Variants in UBOX5 observed in about 807,000 individuals in gnomAD.
The protein encoded by UBOX5 is RING finger protein 37.
A neutral mutation model predicts 39.0 loss-of-function variants in UBOX5; 28 were observed. The observed-to-expected ratio is 0.72, with a 90% confidence interval of 0.53 to 0.98. The LOEUF is 0.98. UBOX5 is among the 50% of genes least tolerant of loss of function. The pLI is 0.00. For missense variants in UBOX5, 585 were observed against 674.4 expected (o/e 0.87, Z 1.47); for synonymous variants, 283 against 275.5 (o/e 1.03, Z -0.27).
At chr20:3,146,082 C>T (rs73608129) in intron 1 of UBOX5, among the ~76,000 whole-genome samples, 4 of 151,586 alleles carry the variant, frequency 2.6e-5, no homozygotes, top group Non-Finnish European at 5.9e-5. Context: ...TGGCTCACAC[C>T]TGTAATCCCA....
At position 3,149,375 on chromosome 20, in the gene UBOX5, C is replaced by A; in HGVS notation, c.-42+10391G>T. ...GCTGTCTACTCAAATAAGTTCAATG[C>A]TAGTAAATGCCCAAACCACATGACA... On this transcript the variant is annotated intron_variant, in intron 1 of 4. Transcript: ENST00000217173. This position sits in a 1 kb window ranked among gnomAD's most constrained non-coding sequence, Gnocchi z 4.1. The A allele has an allele frequency of 2.9e-6, 1 of 345,758 alleles. No individual in the cohort carries two copies. The highest frequency in any genetic ancestry group is 5.4e-5 in the East Asian group (1 of 18,476). 21.4% of individuals were successfully genotyped at this position (345,758 alleles called of 1,614,324 possible).
chr20:3,114,298 T>C (rs1308560060), intron 4 of UBOX5, among the ~76,000 whole-genome samples: 1 of 151,648 alleles, frequency 6.6e-6, no homozygotes. Flanking sequence ...CCAGAGCTGG[T>C]AGAGAAGGCA....
chr20:3,148,898 T>A, intron 1 of UBOX5: 1 of 1,614,152 alleles, frequency 6.2e-7, no homozygotes, highest in Non-Finnish European at 8.5e-7. Context: ...GCTACATATG[T>A]TCTTAACTTT....
At chr20:3,113,708 G>T (rs1032883216) in intron 4 of UBOX5, among the ~76,000 whole-genome samples, 2 of 152,182 alleles carry the variant, frequency 1.3e-5, no homozygotes, top group South Asian at 4.1e-4. Context: ...ACTCGAGAAT[G>T]ACTTCTGTGT....
chr20:3,152,968 C>T (rs1265931233), intron 1 of UBOX5, among the ~76,000 whole-genome samples: 1 of 151,432 alleles, frequency 6.6e-6, no homozygotes, highest in Non-Finnish European at 1.5e-5. Context: ...AATAAAATAG[C>T]TGTGCCATAG....
chr20:3,148,677 C>T (rs374957332), intron 1 of UBOX5: 1 of 1,614,048 alleles, frequency 6.2e-7, no homozygotes, highest in Non-Finnish European at 8.5e-7. Context: ...GTCTCAGATG[C>T]ATTATAGCTG....
intron 1 of UBOX5, among the ~76,000 whole-genome samples, chr20:3,143,536 C>T (rs1225294511): frequency 1.3e-5 from 2 of 152,090 alleles, no homozygotes; most frequent in African/African-American, 4.8e-5. Flanking sequence ...TGGCTCACAC[C>T]TGTAATCCCA....
chr20:3,143,708 G>T (rs1487880669), intron 1 of UBOX5, among the ~76,000 whole-genome samples: 1 of 152,142 alleles, frequency 6.6e-6, no homozygotes, highest in East Asian at 1.9e-4. Flanking sequence ...GCAGAGAACT[G>T]CCTGAACCTG....
chr20:3,120,229 C>T (rs1338269315), intron 3 of UBOX5, among the ~76,000 whole-genome samples: 1 of 151,828 alleles, frequency 6.6e-6, no homozygotes, highest in Non-Finnish European at 1.5e-5. Flanking sequence ...CGTCTGTAAT[C>T]CCAGCTACTC....
chr20:3,128,701 A>G (rs1471975580), intron 1 of UBOX5, among the ~76,000 whole-genome samples: 1 of 152,182 alleles, frequency 6.6e-6, no homozygotes, highest in African/African-American at 2.4e-5. Context: ...GTCTCTACAA[A>G]AAAATAAAAA....
At chr20:3,158,500 C>T (rs192844164) in intron 1 of UBOX5, among the ~76,000 whole-genome samples, 4 of 152,058 alleles carry the variant, frequency 2.6e-5, no homozygotes, top group Admixed American at 6.6e-5. Flanking sequence ...TTGAGACGGA[C>T]TCTCGCTCTC....
Position 3,109,859 on chromosome 20 carries a change from G to T in UBOX5, c.*247C>A. The T allele has an allele frequency of 1.8e-6, 1 of 571,232 alleles. No individual in the cohort carries two copies. Among genetic ancestry groups the T allele is most frequent in the Non-Finnish European group, 3.1e-6 (1 of 321,142 alleles). 35.4% of individuals were successfully genotyped at this position (571,232 alleles called of 1,614,324 possible). On this transcript the variant is annotated 3_prime_UTR_variant, in exon 5 of 5. Transcript: ENST00000217173. The stretch of plus-strand genomic sequence containing the variant: ...GTGGGGCTGGCTCCAGTGGGTCCTG[G>T]GCTCAGGCAGGGGGGGTGGCAGGGA...
chr20:3,148,783 G>C (rs200117497), intron 1 of UBOX5: 2 of 1,614,198 alleles, frequency 1.2e-6, no homozygotes, highest in Non-Finnish European at 8.5e-7. Flanking sequence ...CTGTGGCCCT[G>C]GGTGAGCCCA....
At chr20:3,131,476 T>C (rs2066428604) in intron 1 of UBOX5, among the ~76,000 whole-genome samples, 1 of 152,226 alleles carries the variant, frequency 6.6e-6, no homozygotes, top group Admixed American at 6.5e-5. Flanking sequence ...TATTTGGTTG[T>C]AGCATATTGT....
At chr20:3,127,365 G>A (rs2066399141) in intron 1 of UBOX5, among the ~76,000 whole-genome samples, 1 of 152,222 alleles carries the variant, frequency 6.6e-6, no homozygotes, top group Non-Finnish European at 1.5e-5. Flanking sequence ...GTGGATAGTT[G>A]CTGCACAGTG....
rs778661770 is a variant in UBOX5, at chr20:3,121,725, T to A, written c.914A>T (p.Asp305Val). The A allele has an allele frequency of 1.2e-6, 2 of 1,613,620 alleles. No individual in the cohort carries two copies. Among genetic ancestry groups the A allele is most frequent in the South Asian group, 2.2e-5 (2 of 91,024 alleles). The change falls in exon 3 of 5, where the codon GAC becomes GTC. Residue 305 changes from aspartate (D) to valine (V), a missense_variant. Coordinates refer to ENST00000217173, the MANE Select transcript of UBOX5 (RefSeq NM_014948.4). ...AGTAAAAGCTACCCCCGTGAAAGGG[T>A]CACTGGGCACTCGGCCCCATGTGGC... ...SEATWGRVPS[D>V]PFTGVAFTPH...
In UBOX5 at chr20:3,107,853, G is replaced by C. The variant is rs1442596590; in HGVS notation, c.*2253C>G. The C allele has an allele frequency of 6.6e-6, 1 of 152,268 alleles. No homozygotes were observed. Among genetic ancestry groups the C allele is most frequent in the African/African-American group, 2.4e-5 (1 of 41,430 alleles). 9.4% of individuals were successfully genotyped at this position (152,268 alleles called of 1,614,324 possible). ...CCAGGGACCTGCAGCGGTCTGGGCA[G>C]TACCTCCAACACAGCTGCTTAAGGG... On this transcript the variant is annotated 3_prime_UTR_variant, in exon 5 of 5. Transcript: ENST00000217173. This position sits in a 1 kb window ranked among gnomAD's most constrained non-coding sequence, Gnocchi z 5.0.
chr20:3,109,979 G>A lies in UBOX5; in HGVS notation c.*127C>T, dbSNP rs1600352230. The A allele has an allele frequency of 9.1e-7, 1 of 1,093,492 alleles. No homozygotes were observed. The allele number at this position is 1,093,492 out of a possible 1,614,324, so 67.7% of individuals were successfully genotyped here. ...TGCTATACCGTGAGGTGATGAAGAAGAGCCCCGGGAGGGAGCAGGCAGCTC... is the reference window on the plus strand; with the variant it reads ...TGCTATACCGTGAGGTGATGAAGAAAAGCCCCGGGAGGGAGCAGGCAGCTC... On this transcript the variant is annotated 3_prime_UTR_variant, in exon 5 of 5. Transcript: ENST00000217173.
intron 3 of UBOX5, among the ~76,000 whole-genome samples, chr20:3,120,117 G>A (rs1436888540): frequency 1.3e-5 from 2 of 152,078 alleles, no homozygotes; most frequent in South Asian, 2.1e-4. Context: ...AGGAAGCCGA[G>A]GCAGGTGGAT....
Sources: gnomAD v4.1 joint callset for allele counts (sites outside exome capture counted in the v4.1 genomes callset) on GRCh38, gnomAD v4.1.1 for gene constraint, Gnocchi (gnomAD v3.1) non-coding constraint, MANE v1.5 for transcripts, NCBI Gene and HGNC (gene_info 2026-07-23, HGNC 2026-07-21) for gene names.